Variants in APPL1 observed in about 807,000 individuals in gnomAD.
The protein encoded by APPL1 is adaptor protein, phosphotyrosine interacting with PH domain and leucine zipper 1.
A neutral mutation model predicts 106.8 loss-of-function variants in APPL1; 42 were observed. That is an observed-to-expected ratio of 0.39 (90% confidence interval 0.31 to 0.51). The LOEUF (loss-of-function observed/expected upper bound fraction) is 0.51, where lower values mean the gene tolerates loss of function less well. Ranked by LOEUF, APPL1 falls within the 20% of genes least tolerant of loss-of-function variation. The pLI is 0.75. For missense variants in APPL1, 769 were observed against 858.2 expected, an observed-to-expected ratio of 0.90 and a Z score of 1.30; for synonymous variants, 263 against 281.8, an observed-to-expected ratio of 0.93 and a Z score of 0.67.
At chr3:57,247,354 A>G (rs1256057980) in intron 8 of APPL1, 41 bp from the exon 9 acceptor site, 9 of 1,165,046 alleles carry the variant, frequency 7.7e-6, no homozygotes, top group African/African-American at 4.6e-5. Flanking sequence ...TGCTTAATCT[A>G]TTTTTGTATT....
At position 57,240,475 on chromosome 3, in the gene APPL1, G is replaced by A. The variant is rs147750872; in HGVS notation, c.296G>A (p.Cys99Tyr). 6.2e-7 allele frequency: 1 copy of A among 1,613,496 alleles called. No homozygotes were observed. The highest frequency in any genetic ancestry group is 8.5e-7 in the Non-Finnish European group (1 of 1,179,740). Residue 99 changes from cysteine (C) to tyrosine (Y), a missense_variant, in exon 5 of 22, where the codon TGT becomes TAT. Transcript: ENST00000288266. ...TCTTTCTTTTTCTAGCTTAGCTCTTGTCATGCAGTGCTTTCAACTCAACTT... is the reference window on the plus strand; with the variant it reads ...TCTTTCTTTTTCTAGCTTAGCTCTTATCATGCAGTGCTTTCAACTCAACTT... ...FSKVIDELSS[C>Y]HAVLSTQLAD...
rs1454188784 is a variant in APPL1 at position 57,259,057 on chromosome 3, G to A, written c.1460G>A (p.Gly487Glu). ...ACAAATCCATTTGGAGAATCTGGAGGAAGTACAAAATCTGAAACTGAAGGT... is the reference window on the plus strand; with the variant it reads ...ACAAATCCATTTGGAGAATCTGGAGAAAGTACAAAATCTGAAACTGAAGGT... ...RRTNPFGESG[G>E]STKSETEDSI... is the part of the protein sequence containing the mutation. The change falls in exon 16 of 22, where the codon GGA (glycine) becomes GAA (glutamate). Residue 487 changes from glycine to glutamate, a missense_variant. Transcript: ENST00000288266. The A allele has an allele frequency of 1.9e-6, 3 of 1,612,666 alleles. No individual in the cohort carries two copies. The highest frequency in any genetic ancestry group is 4.5e-5 in the East Asian group (2 of 44,748).
At chr3:57,258,571 T>C (rs1047315323) in intron 15 of APPL1, among the ~76,000 whole-genome samples, 1 of 152,234 alleles carries the variant, frequency 6.6e-6, no homozygotes, top group Non-Finnish European at 1.5e-5. Context: ...TCTTTTTGCA[T>C]TGTTACTTAC....
chr3:57,245,969 C>A, intron 7 of APPL1, 107 bp from the exon 8 acceptor site: 1 of 719,062 alleles, frequency 1.4e-6, no homozygotes, highest in South Asian at 3.1e-5. Flanking sequence ...TTGTGATACT[C>A]AATTCCTTGG....
chr3:57,268,623 C>A, intron 21 of APPL1, 136 bp downstream of exon 21: 7 of 983,268 alleles, frequency 7.1e-6, no homozygotes, highest in Non-Finnish European at 8.4e-6. Context: ...ATGATTCATA[C>A]CATAGCAGAA....
rs201654453 is a variant in APPL1 at position 57,238,045 on chromosome 3, C to T, written c.214C>T (p.Arg72Cys). ...ACCTCATCTGTTTCTTGCTTTTCAG[C>T]GTTTTCCATTGGGAGGTGATGATGA... ...SKLLKEYEKQ[R>C]FPLGGDDEVM... Residue 72 changes from arginine to cysteine, a missense_variant and splice_region_variant, in exon 4 of 22, where the codon CGT becomes TGT. Physicochemically the swap from Arg to Cys is radical, Grantham distance 180 (BLOSUM62 -3). Transcript: ENST00000288266. 6.8e-6 allele frequency: 11 copies of T among 1,606,628 alleles called. No individual in the cohort carries two copies. Among genetic ancestry groups the T allele is most frequent in the East Asian group, 2.2e-5 (1 of 44,604 alleles).
rs1387617720 is a variant in APPL1 at position 57,227,817 on chromosome 3, G to C, written c.-67G>C. 2.2e-6 allele frequency: 3 copies of C among 1,349,816 alleles called. No individual in the cohort carries two copies. Among genetic ancestry groups the C allele is most frequent in the African/African-American group, 1.5e-5 (1 of 65,914 alleles). The allele number at this position is 1,349,816 out of a possible 1,614,324, so 83.6% of individuals were successfully genotyped here. Reference sequence around the variant, plus strand: ...AGGGCGGGCCGGGGTCAGCTGCGGCGGGCGGGCCGGCGCGGGGAGCTGTGG... The same window carrying C: ...AGGGCGGGCCGGGGTCAGCTGCGGCCGGCGGGCCGGCGCGGGGAGCTGTGG... On this transcript the variant is annotated 5_prime_UTR_variant, in exon 1 of 22. Coordinates refer to ENST00000288266, the MANE Select transcript of APPL1 (RefSeq NM_012096.3).
intron 1 of APPL1, among the ~76,000 whole-genome samples, chr3:57,231,312 C>A (rs145689018): frequency 0.016 from 2,354 of 144,572 alleles, 77 homozygotes; most frequent in African/African-American, 0.055. Context: ...GCACTCCAGC[C>A]CGGGCAACCG....
chr3:57,248,541 CTAGA>C (rs1013470038), intron 10 of APPL1, among the ~76,000 whole-genome samples, 190 bp downstream of exon 10: 7 of 152,038 alleles, frequency 4.6e-5, no homozygotes, highest in African/African-American at 1.7e-4. Flanking sequence ...AAAATCCTAC[CTAGA>C]TATTTATTGA....
chr3:57,271,383 T>C lies in APPL1; in HGVS notation c.*1696T>C, dbSNP rs996614878. The stretch of plus-strand genomic sequence containing the variant: ...AAAGTAGAAATTTATGAAATACTTT[T>C]GATAAAAAGTTTATTTTGTGCTTAC... On this transcript the variant is annotated 3_prime_UTR_variant, in exon 22 of 22. Coordinates refer to ENST00000288266, the MANE Select transcript of APPL1 (RefSeq NM_012096.3). 2 of 152,652 alleles carry C rather than the reference T, an allele frequency of 1.3e-5. No individual in the cohort carries two copies. The highest frequency in any genetic ancestry group is 4.8e-5 in the African/African-American group (2 of 41,462). 9.5% of individuals were successfully genotyped at this position (152,652 alleles called of 1,614,324 possible).
chr3:57,230,258 A>G (rs1484187795), intron 1 of APPL1, among the ~76,000 whole-genome samples: 1 of 152,350 alleles, frequency 6.6e-6, no homozygotes, highest in African/African-American at 2.4e-5. Context: ...AGGGCAAATC[A>G]TTCAACTTCT....
rs368090122 is a variant in APPL1, at chr3:57,269,711, C to T, written c.*24C>T. 1.1e-5 allele frequency: 17 copies of T among 1,610,560 alleles called. No homozygotes were observed. The highest frequency in any genetic ancestry group is 1.4e-5 in the Non-Finnish European group (17 of 1,177,850). ...AAGCTTATACTTTTGGTAGATATTC[C>T]CCCTTGGAATTTGACAGTTTCTATG... On this transcript the variant is annotated 3_prime_UTR_variant, in exon 22 of 22. Coordinates refer to ENST00000288266, the MANE Select transcript of APPL1 (RefSeq NM_012096.3).
chr3:57,249,597 T>A (rs1233391030), intron 11 of APPL1, 49 bp downstream of exon 11: 1 of 1,408,720 alleles, frequency 7.1e-7, no homozygotes, highest in Non-Finnish European at 9.4e-7. Context: ...ATTAAACTTC[T>A]GAAATGTGAG....
chr3:57,230,314 C>A (rs77383708), intron 1 of APPL1, among the ~76,000 whole-genome samples: 1 of 152,028 alleles, frequency 6.6e-6, no homozygotes, highest in South Asian at 2.1e-4. Flanking sequence ...TTATTTTTGA[C>A]CCTGATTAAA....
At chr3:57,230,708 A>G in intron 1 of APPL1, 1 of 436,892 alleles carries the variant, frequency 2.3e-6, no homozygotes, top group Non-Finnish European at 4.6e-6. Flanking sequence ...GAACTATTTT[A>G]TCTAGAATAG....
At chr3:57,262,116 A>AT (rs1474844354) in intron 19 of APPL1, among the ~76,000 whole-genome samples, 5 of 151,674 alleles carry the variant, frequency 3.3e-5, no homozygotes, top group East Asian at 1.9e-4. Flanking sequence ...GGATTATTTG[A>AT]TTTTTTCCCT....
At chr3:57,237,063 C>T (rs2060720060) in intron 2 of APPL1, among the ~76,000 whole-genome samples, 1 of 152,148 alleles carries the variant, frequency 6.6e-6, no homozygotes, top group African/African-American at 2.4e-5. Flanking sequence ...TAAAGTTTTT[C>T]ATATGGCTGT....
chr3:57,257,093 A>AT (rs2060841139), intron 14 of APPL1, 42 bp downstream of exon 14: 1 of 1,589,544 alleles, frequency 6.3e-7, no homozygotes, highest in African/African-American at 1.3e-5. Context: ...GAGATGGGCT[A>AT]TTTAAAGTAT....
In APPL1 at chr3:57,272,560, G is replaced by T. The variant is rs780903009; in HGVS notation, c.*2873G>T. 1 of 152,064 alleles carries T rather than the reference G, an allele frequency of 6.6e-6. No homozygotes were observed. Among genetic ancestry groups the T allele is most frequent in the Non-Finnish European group, 1.5e-5 (1 of 68,024 alleles). The allele number at this position is 152,064 out of a possible 1,614,324, so 9.4% of individuals were successfully genotyped here. On this transcript the variant is annotated 3_prime_UTR_variant, in exon 22 of 22. Transcript: ENST00000288266. ...TCCTATTAATGCTGAGAGATCCTAA[G>T]AGCTAGTATGTTGTAAAACCTGCCA...
Sources: gnomAD v4.1 joint callset for allele counts (sites outside exome capture counted in the v4.1 genomes callset) on GRCh38, gnomAD v4.1.1 for gene constraint, MANE v1.5 for transcripts, NCBI Gene and HGNC (gene_info 2026-07-23, HGNC 2026-07-21) for gene names.